Variants in PDC observed in about 807,000 individuals in gnomAD.
PDC encodes the protein phosducin, also known as 33 kDa phototransducing protein.
In PDC, 19 loss-of-function variants were observed where a neutral mutation model predicts 22.2. The observed-to-expected ratio is 0.86, with a 90% confidence interval of 0.60 to 1.26. The LOEUF (loss-of-function observed/expected upper bound fraction) is 1.26, where lower values mean the gene tolerates loss of function less well. PDC is among the 50% of genes most tolerant of loss of function. The pLI, the probability that PDC is intolerant of heterozygous loss-of-function variation, is 0.00. For missense variants in PDC, 274 were observed against 286.8 expected, an observed-to-expected ratio of 0.96 and a Z score of 0.32; for synonymous variants, 97 against 96.2, an observed-to-expected ratio of 1.01 and a Z score of -0.05.
In PDC at chr1:186,443,619, G is replaced by T; in HGVS notation, c.*360C>A. 6.1e-6 allele frequency: 1 copy of T among 164,382 alleles called. No homozygotes were observed. The highest frequency in any genetic ancestry group is 1.3e-5 in the Non-Finnish European group (1 of 76,252). The allele number at this position is 164,382 out of a possible 1,614,324, so 10.2% of individuals were successfully genotyped here. ...TGAGATTTCATTTTTATTACACAAA[G>T]AAAATTATAATGAATAATGTAATTT... On this transcript the variant is annotated 3_prime_UTR_variant, in exon 4 of 4. Transcript: ENST00000391997.
chr1:186,460,377 C>T (rs1273100117), intron 1 of PDC, among the ~76,000 whole-genome samples: 2 of 152,152 alleles, frequency 1.3e-5, no homozygotes, highest in African/African-American at 4.8e-5. Context: ...GCATTACTGT[C>T]TTGGTTATCA....
At chr1:186,449,916 T>C (rs1156500406) in intron 1 of PDC, among the ~76,000 whole-genome samples, 1 of 152,202 alleles carries the variant, frequency 6.6e-6, no homozygotes, top group Non-Finnish European at 1.5e-5. Context: ...CTATGAACAC[T>C]ATGTGTCAGG....
intron 1 of PDC, among the ~76,000 whole-genome samples, chr1:186,458,226 C>CTTTTTTTTTTT (rs1157926478): frequency 1.1e-4 from 10 of 88,396 alleles, no homozygotes; most frequent in African/African-American, 4.6e-4. Context: ...TACAGATATT[C>CTTTTTTTTTTT]TTTTTTTTTT....
intron 1 of PDC, among the ~76,000 whole-genome samples, chr1:186,458,589 C>A (rs1223960489): frequency 6.6e-6 from 1 of 151,210 alleles, no homozygotes; most frequent in Non-Finnish European, 1.5e-5. Flanking sequence ...CAAGCAAGTC[C>A]ATTCTGCTAG....
At chr1:186,447,541 A>G (rs1324534136) in intron 2 of PDC, among the ~76,000 whole-genome samples, 2 of 152,222 alleles carry the variant, frequency 1.3e-5, no homozygotes, top group Non-Finnish European at 2.9e-5. Context: ...AACGTTATTC[A>G]TTTAAGAAAG....
At chr1:186,451,811 T>C (rs746249074) in intron 1 of PDC, 1 of 152,224 alleles carries the variant, frequency 6.6e-6, no homozygotes, top group Non-Finnish European at 1.5e-5. Flanking sequence ...GATTAATATA[T>C]GTTGAGAATA....
chr1:186,447,814 GT>G (rs1273853826), intron 2 of PDC, among the ~76,000 whole-genome samples: 7 of 152,096 alleles, frequency 4.6e-5, no homozygotes, highest in African/African-American at 1.7e-4. Context: ...TTTTAGATAT[GT>G]TTTATGCATA....
At position 186,459,776 on chromosome 1, in the gene PDC, A is replaced by ATATG. The variant is rs1662543928; in HGVS notation, c.-25+1282_-25+1283insCATA. Among the ~76,000 whole-genome samples, 3 of 137,634 alleles carry ATATG rather than the reference A, an allele frequency of 2.2e-5. 1 individual carries two copies. The South Asian group carries it at 6.9e-4, about 32-fold the overall frequency. 90.3% of individuals were successfully genotyped at this position (137,634 alleles called of 152,430 possible). A position where few individuals can be genotyped will look rare whatever the true frequency, so the allele number is the denominator to read the frequency against. Reference sequence around the variant, plus strand: ...TGTATATATATATATATATATATATATATATTTAAAATGGACTCTATAGTT... The same window carrying ATATG: ...TGTATATATATATATATATATATATATATGTATATTTAAAATGGACTCTATAGTT... On this transcript the variant is annotated intron_variant, in intron 1 of 3. Coordinates refer to ENST00000391997, the MANE Select transcript of PDC (RefSeq NM_002597.5).
At chr1:186,459,374 G>A (rs1048342931) in intron 1 of PDC, among the ~76,000 whole-genome samples, 1 of 152,148 alleles carries the variant, frequency 6.6e-6, no homozygotes, top group Non-Finnish European at 1.5e-5. Context: ...TGTGTTGGCC[G>A]GGTCTCCAGC....
At chr1:186,460,686 T>A (rs1427521084) in intron 1 of PDC, among the ~76,000 whole-genome samples, 2 of 152,192 alleles carry the variant, frequency 1.3e-5, no homozygotes, top group Admixed American at 6.5e-5. Context: ...CTTTTCCAAC[T>A]TGGGAGCCAG....
At position 186,444,096 on chromosome 1, in the gene PDC, A is replaced by C. The variant is rs950597011; in HGVS notation, c.624T>G (p.Phe208Leu). The C allele has an allele frequency of 6.2e-7, 1 of 1,614,032 alleles. No homozygotes were observed. The highest frequency in any genetic ancestry group is 8.5e-7 in the Non-Finnish European group (1 of 1,179,928). ...CATCCCCAGCAAAAAATTCTTCAGC[A>C]AACTGTTCAGCAACACTAATAAAAT... ...ISNFISVAEQ[F>L]AEEFFAGDVE... Residue 208 changes from phenylalanine to leucine, a missense_variant, in exon 4 of 4, where the codon TTT becomes TTG. Phe to Leu is a conservative substitution (Grantham distance 22). Transcript: ENST00000391997.
At chr1:186,456,691 T>C (rs1391786997) in intron 1 of PDC, among the ~76,000 whole-genome samples, 2 of 152,210 alleles carry the variant, frequency 1.3e-5, no homozygotes, top group East Asian at 3.8e-4. Context: ...TATATTCATA[T>C]TCCCTTTTGG....
chr1:186,449,571 T>C, intron 1 of PDC, 88 bp from the exon 2 acceptor site: 1 of 588,942 alleles, frequency 1.7e-6, no homozygotes, highest in Non-Finnish European at 3.0e-6. Flanking sequence ...GGTACATGCA[T>C]ATTTATAGTC....
At chr1:186,457,766 C>G (rs767938591) in intron 1 of PDC, among the ~76,000 whole-genome samples, 17 of 152,112 alleles carry the variant, frequency 1.1e-4, no homozygotes, top group Non-Finnish European at 1.8e-4. Context: ...ATGGCTATAA[C>G]AAATTAGAAA....
At chr1:186,447,987 T>C (rs1220728463) in intron 2 of PDC, among the ~76,000 whole-genome samples, 1 of 152,212 alleles carries the variant, frequency 6.6e-6, no homozygotes, top group East Asian at 1.9e-4. Context: ...GAAAAGGTTC[T>C]TCCTTATTTA....
At position 186,444,227 on chromosome 1, in the gene PDC, C is replaced by T; in HGVS notation, c.493G>A (p.Val165Ile). The change falls in exon 4 of 4, where the codon GTT becomes ATT. Residue 165 changes from valine (V) to isoleucine (I), a missense_variant. Physicochemically the swap from Val to Ile is conservative, Grantham distance 29 (BLOSUM62 3). Coordinates refer to ENST00000391997, the MANE Select transcript of PDC (RefSeq NM_002597.5). ...GAAGCTTTTATTTTACAAAACTTAACTATAGGGTATTCTGCTGCAAGGCAT... is the reference window on the plus strand; with the variant it reads ...GAAGCTTTTATTTTACAAAACTTAATTATAGGGTATTCTGCTGCAAGGCAT... ...LTCLAAEYPI[V>I]KFCKIKASNT... is the part of the protein sequence containing the mutation. 1 of 1,614,060 alleles carries T rather than the reference C, an allele frequency of 6.2e-7. No homozygotes were observed. Among genetic ancestry groups the T allele is most frequent in the African/African-American group, 1.3e-5 (1 of 75,054 alleles).
At position 186,455,995 on chromosome 1, in the gene PDC, ATATATATATAT is replaced by A. The variant is rs560865792; in HGVS notation, c.-25+5053_-25+5063del. Among the ~76,000 whole-genome samples the A allele has an allele frequency of 4.8e-3, 268 of 55,512 alleles. 1 individual carries two copies. Among genetic ancestry groups the A allele is most frequent in the African/African-American group, 7.4e-3 (79 of 10,626 alleles). The allele number at this position is 55,512 out of a possible 152,430, so 36.4% of individuals were successfully genotyped here. A position where few individuals can be genotyped will look rare whatever the true frequency, so the allele number is the denominator to read the frequency against. ...TCAAAAAAAAAAAAAAAAAAAAAAA[ATATATATATAT>A]ATATATATATATATATATATGCATG... is the stretch of plus-strand genomic sequence containing the variant. On this transcript the variant is annotated intron_variant, in intron 1 of 3. Transcript: ENST00000391997.
intron 1 of PDC, among the ~76,000 whole-genome samples, chr1:186,453,563 T>G (rs1662395111): frequency 6.6e-6 from 1 of 152,234 alleles, no homozygotes; most frequent in Non-Finnish European, 1.5e-5. Context: ...ATCTAATCAC[T>G]GTATGATATA....
At chr1:186,459,613 A>G (rs1191938263) in intron 1 of PDC, among the ~76,000 whole-genome samples, 1 of 151,646 alleles carries the variant, frequency 6.6e-6, no homozygotes, top group Non-Finnish European at 1.5e-5. Flanking sequence ...ATAATGACTT[A>G]TATAATATCA....
Sources: gnomAD v4.1 joint callset for allele counts (sites outside exome capture counted in the v4.1 genomes callset) on GRCh38, gnomAD v4.1.1 for gene constraint, MANE v1.5 for transcripts, NCBI Gene and HGNC (gene_info 2026-07-23, HGNC 2026-07-21) for gene names.